Variants in MEGF10 observed in about 807,000 individuals in gnomAD.
MEGF10 encodes the protein multiple EGF like domains 10, also known as multiple epidermal growth factor-like domains protein 10.
In MEGF10, 86 loss-of-function variants were observed where a neutral mutation model predicts 147.5. That is an observed-to-expected ratio of 0.58 (90% confidence interval 0.49 to 0.70). The LOEUF (loss-of-function observed/expected upper bound fraction) is 0.70. Ranked by LOEUF, MEGF10 falls within the 30% of genes least tolerant of loss-of-function variation. MEGF10 has a pLI of 0.00. For synonymous variants in MEGF10, 478 were observed against 525.5 expected (o/e 0.91, Z 1.24); for missense variants, 1,329 against 1,487.3 (o/e 0.89, Z 1.75).
chr5:127,236,251 G>A, the MEGF10 span, among the ~76,000 whole-genome samples: 25 of 152,278 alleles, frequency 1.6e-4, no homozygotes, highest in Admixed American at 2.6e-4. Flanking sequence ...GATTACAGGC[G>A]TGAGCCACCA....
intron 1 of MEGF10, among the ~76,000 whole-genome samples, chr5:127,326,363 T>C (rs942464654): frequency 6.6e-6 from 1 of 152,168 alleles, no homozygotes; most frequent in Non-Finnish European, 1.5e-5. Context: ...AAAGTAAATA[T>C]AGCACTTGTA....
chr5:127,230,458 G>C, the MEGF10 span, among the ~76,000 whole-genome samples: 1 of 152,146 alleles, frequency 6.6e-6, no homozygotes, highest in Admixed American at 6.5e-5. Context: ...CCACCCCAGG[G>C]AGGGAAGGAC....
chr5:127,250,591 G>T, the MEGF10 span, among the ~76,000 whole-genome samples: 1 of 151,942 alleles, frequency 6.6e-6, no homozygotes, highest in Non-Finnish European at 1.5e-5. Flanking sequence ...TCCTACTAAA[G>T]TTAGAGACAA....
chr5:127,260,792 GA>G, the MEGF10 span, among the ~76,000 whole-genome samples: 31 of 152,326 alleles, frequency 2.0e-4, no homozygotes, highest in Admixed American at 1.2e-3. Flanking sequence ...TATTGGAAGG[GA>G]TAAAAGAGAC....
At chr5:127,287,174 C>T (rs1561549191), upstream of MEGF10, among the ~76,000 whole-genome samples, 1 of 151,912 alleles carries the variant, frequency 6.6e-6, no homozygotes, top group Non-Finnish European at 1.5e-5. Flanking sequence ...AAACTTACAA[C>T]TAACATCCTA....
At chr5:127,422,900 C>T in intron 13 of MEGF10, 128 bp downstream of exon 13, 1 of 695,192 alleles carries the variant, frequency 1.4e-6, no homozygotes, top group Non-Finnish European at 2.5e-6. Context: ...GATAAGGTTT[C>T]CAGTAAACTG....
chr5:127,337,504 G>C (rs1761514320), intron 2 of MEGF10, among the ~76,000 whole-genome samples: 1 of 152,020 alleles, frequency 6.6e-6, no homozygotes, highest in Non-Finnish European at 1.5e-5. Context: ...CACCGCTAGG[G>C]TTCTGAAGAA....
At chr5:127,397,218 G>C (rs1016482466) in intron 6 of MEGF10, among the ~76,000 whole-genome samples, 1 of 152,178 alleles carries the variant, frequency 6.6e-6, no homozygotes, top group African/African-American at 2.4e-5. Flanking sequence ...CAGTGCATTA[G>C]AAGAGAAAAG....
intron 4 of MEGF10, among the ~76,000 whole-genome samples, chr5:127,355,472 C>T (rs1396180714): frequency 1.3e-5 from 2 of 152,114 alleles, no homozygotes; most frequent in African/African-American, 2.4e-5. Flanking sequence ...TCCCTGCCAC[C>T]GGCATTGAAT....
chr5:127,419,381 T>A, intron 11 of MEGF10, 141 bp downstream of exon 11: 1 of 998,580 alleles, frequency 1.0e-6, no homozygotes, highest in Non-Finnish European at 1.5e-6. Context: ...CCTCATCCAG[T>A]ATGGGCTGGA....
intron 10 of MEGF10, among the ~76,000 whole-genome samples, chr5:127,418,743 A>G (rs1580845627): frequency 1.3e-5 from 2 of 152,238 alleles, no homozygotes; most frequent in Admixed American, 1.3e-4. Context: ...GATCTAATGT[A>G]TAGTTTATAT....
In MEGF10 at chr5:127,434,600, C is replaced by T. The variant is rs1051260684; in HGVS notation, c.1841-87C>T. 2.9e-6 allele frequency: 4 copies of T among 1,402,382 alleles called. No individual in the cohort carries two copies. In the African/African-American group the frequency reaches 5.8e-5, roughly 20 times the overall value. The allele number at this position is 1,402,382 out of a possible 1,614,324, so 86.9% of individuals were successfully genotyped here. A position where few individuals can be genotyped will look rare whatever the true frequency, so the allele number is the denominator to read the frequency against. On this transcript the variant is annotated intron_variant, in intron 14 of 24. Transcript: ENST00000503335. ...TTTTTTTTAAGGTTTTGCTTTTTAA[C>T]CTCTAAAACTTTAACTAGATCCCGA...
At chr5:127,268,569 G>A in the MEGF10 span, among the ~76,000 whole-genome samples, 2 of 152,200 alleles carry the variant, frequency 1.3e-5, no homozygotes, top group Non-Finnish European at 2.9e-5. Flanking sequence ...TGAGGCTGGA[G>A]TAGGTAAACA....
intron 16 of MEGF10, among the ~76,000 whole-genome samples, chr5:127,437,559 AAAGT>A (rs1479295989): frequency 6.6e-6 from 1 of 152,200 alleles, no homozygotes; most frequent in Non-Finnish European, 1.5e-5. Flanking sequence ...TTATGTTCCT[AAAGT>A]ATTAATATGA....
intron 13 of MEGF10, among the ~76,000 whole-genome samples, chr5:127,423,679 A>G (rs1462532875): frequency 6.6e-6 from 1 of 152,034 alleles, no homozygotes; most frequent in Non-Finnish European, 1.5e-5. Context: ...CATCTCTATT[A>G]TCTTCTTTAT....
chr5:127,269,381 G>A, the MEGF10 span, among the ~76,000 whole-genome samples: 1 of 152,192 alleles, frequency 6.6e-6, no homozygotes, highest in Non-Finnish European at 1.5e-5. Context: ...AACCAGTGTA[G>A]AGAAGTCCTT....
chr5:127,382,231 A>T (rs1763291041), intron 5 of MEGF10, among the ~76,000 whole-genome samples: 6 of 152,216 alleles, frequency 3.9e-5, no homozygotes, highest in Admixed American at 3.9e-4. Flanking sequence ...GATAAAACTC[A>T]TGAAGGGCAG....
At chr5:127,294,763 C>T (rs1382712040) in intron 1 of MEGF10, among the ~76,000 whole-genome samples, 2 of 150,786 alleles carry the variant, frequency 1.3e-5, no homozygotes, top group Non-Finnish European at 2.9e-5. Flanking sequence ...CGCGACACTG[C>T]ACTCCAGCCT....
chr5:127,291,941 C>T (rs150318660), intron 1 of MEGF10, among the ~76,000 whole-genome samples: 1 of 152,152 alleles, frequency 6.6e-6, no homozygotes, highest in Non-Finnish European at 1.5e-5. Flanking sequence ...TATTATTGTT[C>T]TTAGGCTGTG....
Sources: allele counts gnomAD v4.1 joint callset (sites outside exome capture counted in the v4.1 genomes callset), GRCh38; gene constraint gnomAD v4.1.1; transcripts MANE v1.5; gene names NCBI Gene and HGNC (gene_info 2026-07-23, HGNC 2026-07-21).